Variants in EPHB1 observed in about 807,000 individuals in gnomAD.
EPHB1 encodes EPH receptor B1.
In EPHB1, 30 loss-of-function variants were observed where a neutral mutation model predicts 94.4. That is an observed-to-expected ratio of 0.32 (90% CI 0.24 to 0.43). The LOEUF (loss-of-function observed/expected upper bound fraction) is 0.43. EPHB1 is among the 20% of genes least tolerant of loss of function. EPHB1 has a pLI of 1.00. For missense variants in EPHB1, 1,055 were observed against 1,308.3 expected (o/e 0.81, Z 2.99); for synonymous variants, 522 against 489.1 (o/e 1.07, Z -0.89).
intron 3 of EPHB1, among the ~76,000 whole-genome samples, chr3:135,028,057 G>C (rs1474495802): frequency 6.9e-6 from 1 of 145,970 alleles, no homozygotes; most frequent in Non-Finnish European, 1.5e-5. Context: ...ATTTCTGTGG[G>C]ATCGGTGGTG....
chr3:135,120,735 T>A (rs904927395), intron 4 of EPHB1, among the ~76,000 whole-genome samples: 2 of 152,230 alleles, frequency 1.3e-5, no homozygotes, highest in Non-Finnish European at 2.9e-5. Context: ...CTTTTACAGC[T>A]GCGTAAGCCA....
chr3:135,200,989 A>G (rs1192243134), intron 11 of EPHB1, among the ~76,000 whole-genome samples: 1 of 152,180 alleles, frequency 6.6e-6, no homozygotes, highest in Non-Finnish European at 1.5e-5. Context: ...AGTGATGGGT[A>G]TGGTGGCCTA....
In EPHB1 at chr3:135,096,166, T is replaced by C. The variant is rs149156756; in HGVS notation, c.806-10282T>C. ...GTGGAAAACATCTTGAGGATATTTA[T>C]TGAGGAGATACTATATTCCAGGAAT... On this transcript the variant is annotated intron_variant, in intron 3 of 15. Coordinates refer to ENST00000398015, the MANE Select transcript of EPHB1 (RefSeq NM_004441.5). Among the ~76,000 whole-genome samples, 234 of 152,370 alleles carry C rather than the reference T, an allele frequency of 1.5e-3. 4 individuals carry two copies. In the East Asian group the frequency reaches 0.034, roughly 22 times the overall value.
At chr3:135,089,401 G>A (rs533636048) in intron 3 of EPHB1, among the ~76,000 whole-genome samples, 60 of 152,348 alleles carry the variant, frequency 3.9e-4, no homozygotes, top group African/African-American at 1.4e-3. Flanking sequence ...CCTGGCCTGT[G>A]CCACATGCTT....
At chr3:134,801,999 C>A (rs2108282555) in intron 1 of EPHB1, among the ~76,000 whole-genome samples, 2 of 152,314 alleles carry the variant, frequency 1.3e-5, no homozygotes, top group Non-Finnish European at 2.9e-5. Context: ...GTACAGGAAG[C>A]AAACAAGTGC....
intron 9 of EPHB1, 142 bp from the exon 10 acceptor site, chr3:135,179,717 AG>A: frequency 1.2e-6 from 1 of 853,426 alleles, no homozygotes; most frequent in South Asian, 1.7e-5. Flanking sequence ...GCCCAGCAAG[AG>A]GAGGAGAGGC....
chr3:134,870,147 G>C (rs997975151), intron 1 of EPHB1, among the ~76,000 whole-genome samples: 2 of 152,208 alleles, frequency 1.3e-5, no homozygotes, highest in Non-Finnish European at 2.9e-5. Context: ...GAGAGAGTGA[G>C]CTGGGTCTAT....
intron 1 of EPHB1, among the ~76,000 whole-genome samples, chr3:134,862,331 G>C (rs1042763311): frequency 3.9e-5 from 6 of 152,108 alleles, no homozygotes; most frequent in Admixed American, 1.3e-4. Flanking sequence ...AGAGGTTAGC[G>C]TACTCCATGG....
intron 3 of EPHB1, among the ~76,000 whole-genome samples, chr3:135,018,859 A>T (rs986475661): frequency 6.6e-6 from 1 of 152,168 alleles, no homozygotes; most frequent in Non-Finnish European, 1.5e-5. Flanking sequence ...GGGATTGCAC[A>T]TGGGCTTTGG....
intron 3 of EPHB1, among the ~76,000 whole-genome samples, chr3:135,058,326 C>T (rs1020530876): frequency 4.6e-5 from 7 of 152,278 alleles, no homozygotes; most frequent in Admixed American, 6.5e-5. Context: ...AATGGCGGCC[C>T]GCCTGGCAGG....
chr3:134,939,786 C>T (rs2039079478), intron 2 of EPHB1, among the ~76,000 whole-genome samples: 1 of 152,150 alleles, frequency 6.6e-6, no homozygotes, highest in Non-Finnish European at 1.5e-5. Context: ...CAGTGGGCTT[C>T]TTGTTCACAG....
At position 134,973,425 on chromosome 3, in the gene EPHB1, C is replaced by CTTTTTTTT. The variant is rs10664147; in HGVS notation, c.805+21389_805+21396dup. Among the ~76,000 whole-genome samples the CTTTTTTTT allele has an allele frequency of 4.4e-4, 40 of 91,006 alleles. 3 individuals carry two copies. Among genetic ancestry groups the CTTTTTTTT allele is most frequent in the South Asian group, 1.4e-3 (3 of 2,100 alleles). 59.7% of individuals were successfully genotyped at this position (91,006 alleles called of 152,430 possible). A position where few individuals can be genotyped will look rare whatever the true frequency, so the allele number is the denominator to read the frequency against. ...AAGCACTCCTTGTCTGTCTTCTAGT[C>CTTTTTTTT]TTTTTTTTTTTTTTTTTTTTTTTGA... On this transcript the variant is annotated intron_variant, in intron 3 of 15. Transcript: ENST00000398015.
chr3:134,893,750 G>A (rs756604695), intron 1 of EPHB1, among the ~76,000 whole-genome samples: 7 of 152,172 alleles, frequency 4.6e-5, no homozygotes, highest in Non-Finnish European at 7.3e-5. Flanking sequence ...ATATGCTGTC[G>A]TATTGTGTCA....
intron 1 of EPHB1, among the ~76,000 whole-genome samples, chr3:134,801,433 C>T (rs886096617): frequency 2.0e-5 from 3 of 152,160 alleles, no homozygotes; most frequent in Non-Finnish European, 4.4e-5. Flanking sequence ...GGGGGCACAC[C>T]GAACCCTTAC....
intron 11 of EPHB1, among the ~76,000 whole-genome samples, chr3:135,197,925 C>A (rs1245087288): frequency 6.6e-6 from 1 of 152,076 alleles, no homozygotes; most frequent in African/African-American, 2.4e-5. Context: ...GTTAAACATG[C>A]CAGAAAAATC....
At chr3:134,889,330 T>C (rs2037921537) in intron 1 of EPHB1, among the ~76,000 whole-genome samples, 1 of 151,986 alleles carries the variant, frequency 6.6e-6, no homozygotes, top group African/African-American at 2.4e-5. Flanking sequence ...TTCAACAGCA[T>C]CACTAGAGTC....
At position 135,020,592 on chromosome 3, in the gene EPHB1, A is replaced by G. The variant is rs978643653; in HGVS notation, c.805+68540A>G. Among the ~76,000 whole-genome samples the G allele has an allele frequency of 3.3e-5, 5 of 152,214 alleles. No homozygotes were observed. In the East Asian group the frequency reaches 7.7e-4, roughly 23 times the overall value. Reference sequence around the variant, plus strand: ...GTTTTCAAGGTTGTAGCATGTCTCAATACCTCAATTTGCCATTAGACTTTC... The same window carrying G: ...GTTTTCAAGGTTGTAGCATGTCTCAGTACCTCAATTTGCCATTAGACTTTC... On this transcript the variant is annotated intron_variant, in intron 3 of 15. Transcript: ENST00000398015.
At chr3:135,248,727 T>C (rs747295833) in intron 14 of EPHB1, among the ~76,000 whole-genome samples, 1 of 152,046 alleles carries the variant, frequency 6.6e-6, no homozygotes. Context: ...ATAATGGTTG[T>C]GGAAAAAAGT....
intron 1 of EPHB1, among the ~76,000 whole-genome samples, chr3:134,851,858 G>T (rs577741260): frequency 2.0e-5 from 3 of 152,304 alleles, no homozygotes; most frequent in East Asian, 1.9e-4. Context: ...TTACTGTGTT[G>T]TAGCTTTGTC....
Sources: gnomAD v4.1 joint callset for allele counts (sites outside exome capture counted in the v4.1 genomes callset) on GRCh38, gnomAD v4.1.1 for gene constraint, MANE v1.5 for transcripts, NCBI Gene and HGNC (gene_info 2026-07-23, HGNC 2026-07-21) for gene names.